MYO1D: variants seen among roughly 807,000 people sequenced by gnomAD.
The protein encoded by MYO1D is myosin ID.
In MYO1D, 83 loss-of-function variants were observed where a neutral mutation model predicts 122.0. The observed-to-expected ratio is 0.68, with a 90% CI of 0.57 to 0.82. The LOEUF (loss-of-function observed/expected upper bound fraction) is 0.82, where lower values mean the gene tolerates loss of function less well. Among genes scored for constraint, MYO1D ranks in the 40% least tolerant of loss-of-function variants. MYO1D has a pLI of 0.00. For synonymous variants in MYO1D, 464 were observed against 446.9 expected (o/e 1.04, Z -0.48); for missense variants, 1,157 against 1,269.5 (o/e 0.91, Z 1.35).
intron 16 of MYO1D, among the ~76,000 whole-genome samples, chr17:32,665,696 C>T (rs2088626864): frequency 6.6e-6 from 1 of 152,190 alleles, no homozygotes; most frequent in African/African-American, 2.4e-5. Flanking sequence ...TAGTCTTGGC[C>T]TTGCCCAAGG....
intron 1 of MYO1D, among the ~76,000 whole-genome samples, chr17:32,857,130 G>A (rs1225333298): frequency 6.6e-6 from 1 of 152,118 alleles, no homozygotes; most frequent in Non-Finnish European, 1.5e-5. Context: ...TATCTTGTAG[G>A]GTTGAATAGA....
chr17:32,559,159 AACTTT>A (rs2087095298), intron 21 of MYO1D, among the ~76,000 whole-genome samples: 1 of 152,162 alleles, frequency 6.6e-6, no homozygotes, highest in African/African-American at 2.4e-5. Flanking sequence ...GAATTTCCTG[AACTTT>A]ACTTGTTGGG....
At chr17:32,622,016 G>A (rs1014292318) in intron 20 of MYO1D, among the ~76,000 whole-genome samples, 2 of 152,096 alleles carry the variant, frequency 1.3e-5, no homozygotes, top group African/African-American at 4.8e-5. Flanking sequence ...TAAGCCACTC[G>A]GTCTGTGGTT....
intron 20 of MYO1D, among the ~76,000 whole-genome samples, chr17:32,607,102 G>T (rs534020180): frequency 6.6e-6 from 1 of 152,212 alleles, no homozygotes; most frequent in Non-Finnish European, 1.5e-5. Context: ...GGAGGTTGCA[G>T]TGAGTTGAGA....
intron 20 of MYO1D, among the ~76,000 whole-genome samples, chr17:32,613,638 G>A (rs961535139): frequency 6.6e-6 from 1 of 151,818 alleles, no homozygotes; most frequent in African/African-American, 2.4e-5. Flanking sequence ...GCTGTGCGTG[G>A]TGGTGCGTGC....
intron 1 of MYO1D, among the ~76,000 whole-genome samples, chr17:32,817,139 G>C (rs781373532): frequency 6.6e-6 from 1 of 152,162 alleles, no homozygotes; most frequent in Non-Finnish European, 1.5e-5. Flanking sequence ...ATGTTGCCCA[G>C]GTTGGTCTTG....
chr17:32,700,792 A>T (rs1296914379), intron 16 of MYO1D, among the ~76,000 whole-genome samples: 1 of 151,998 alleles, frequency 6.6e-6, no homozygotes, highest in Non-Finnish European at 1.5e-5. Flanking sequence ...AAAAATACAA[A>T]AATTAGCCAG....
At chr17:32,827,596 T>G (rs574729195) in intron 1 of MYO1D, among the ~76,000 whole-genome samples, 1 of 152,224 alleles carries the variant, frequency 6.6e-6, no homozygotes, top group Admixed American at 6.5e-5. Context: ...ATAAAAAAAT[T>G]AATAAGCATT....
chr17:32,692,225 G>T (rs321164), intron 16 of MYO1D, among the ~76,000 whole-genome samples: 61,054 of 152,058 alleles, frequency 0.4, 12,645 homozygotes, highest in East Asian at 0.54. Context: ...AGTCCAAGCA[G>T]AATGTGTTTA....
intron 21 of MYO1D, among the ~76,000 whole-genome samples, chr17:32,508,558 G>A (rs1213713062): frequency 6.6e-6 from 1 of 152,210 alleles, no homozygotes; most frequent in Middle Eastern, 3.2e-3. Context: ...TTACAGGTGT[G>A]AGCCACCTCC....
chr17:32,495,152 A>C (rs1369421785), intron 21 of MYO1D, among the ~76,000 whole-genome samples: 1 of 152,120 alleles, frequency 6.6e-6, no homozygotes, highest in African/African-American at 2.4e-5. Flanking sequence ...AGCGCATGGG[A>C]CTGGACAGTG....
intron 20 of MYO1D, among the ~76,000 whole-genome samples, chr17:32,625,149 A>G (rs16967472): frequency 0.014 from 2,176 of 152,320 alleles, 57 homozygotes; most frequent in African/African-American, 0.05. Context: ...ACCAGGGCCA[A>G]TACAAACACT....
rs181559820 is a variant in MYO1D at position 32,846,005 on chromosome 17, T to A, written c.95+30773A>T. 7.3e-5 allele frequency among the ~76,000 whole-genome samples: 11 copies of A among 151,712 alleles called. No homozygotes were observed. In the East Asian group the frequency reaches 2.1e-3, roughly 29 times the overall value. ...AGGGTAGCCAGAGAGTGGTGAGTAG[T>A]GGGAGAAGGTACAACGAAAGCCTGA... On this transcript the variant is annotated intron_variant, in intron 1 of 21. Coordinates refer to ENST00000318217, the MANE Select transcript of MYO1D (RefSeq NM_015194.3).
chr17:32,633,328 A>G (rs1597954876), intron 20 of MYO1D, among the ~76,000 whole-genome samples: 2 of 152,118 alleles, frequency 1.3e-5, no homozygotes, highest in South Asian at 2.1e-4. Context: ...GAAATGAGAA[A>G]AAGTACATAT....
rs376410506 is a variant in MYO1D, at chr17:32,538,897, A to G, written c.2865-43982T>C. On this transcript the variant is annotated intron_variant, in intron 21 of 21. Transcript: ENST00000318217. Reference sequence around the variant, plus strand: ...TGCTCATAAGTGAGAGCTGCTGAACAATGAGAACACATGGACACAGGGAGG... The same window carrying G: ...TGCTCATAAGTGAGAGCTGCTGAACGATGAGAACACATGGACACAGGGAGG... Among the ~76,000 whole-genome samples, 63 of 152,274 alleles carry G rather than the reference A, an allele frequency of 4.1e-4. No individual in the cohort carries two copies. In the East Asian group the frequency reaches 7.3e-3, roughly 18 times the overall value.
intron 20 of MYO1D, among the ~76,000 whole-genome samples, chr17:32,611,115 G>A (rs1207175711): frequency 6.6e-6 from 1 of 152,132 alleles, no homozygotes; most frequent in East Asian, 1.9e-4. Context: ...AGCAGTTCTG[G>A]AAGAGGAGGC....
chr17:32,514,576 C>G (rs1909821228), intron 21 of MYO1D, among the ~76,000 whole-genome samples: 1 of 152,200 alleles, frequency 6.6e-6, no homozygotes, highest in African/African-American at 2.4e-5. Context: ...AATAGCAGGT[C>G]ACACTCTCCA....
chr17:32,563,421 T>C (rs540744505), intron 21 of MYO1D, among the ~76,000 whole-genome samples: 1 of 152,152 alleles, frequency 6.6e-6, no homozygotes, highest in East Asian at 1.9e-4. Flanking sequence ...CAAACCATGT[T>C]GGCCAGGCTA....
Position 32,492,742 on chromosome 17 carries a change from T to C in MYO1D, c.*2017A>G, listed in dbSNP as rs986645266. ...TCATTACATCAAGAGAACCCCCTCATTGTCTACAATCATGCCCGCTTCCTT... is the reference window on the plus strand; with the variant it reads ...TCATTACATCAAGAGAACCCCCTCACTGTCTACAATCATGCCCGCTTCCTT... On this transcript the variant is annotated 3_prime_UTR_variant, in exon 22 of 22. Coordinates refer to ENST00000318217, the MANE Select transcript of MYO1D (RefSeq NM_015194.3). The C allele has an allele frequency of 1.3e-5, 2 of 152,610 alleles. No homozygotes were observed. Among genetic ancestry groups the C allele is most frequent in the African/African-American group, 4.8e-5 (2 of 41,450 alleles). 9.5% of individuals were successfully genotyped at this position (152,610 alleles called of 1,614,324 possible). A position where few individuals can be genotyped will look rare whatever the true frequency, so the allele number is the denominator to read the frequency against.
Sources: gnomAD v4.1 joint callset for allele counts (sites outside exome capture counted in the v4.1 genomes callset) on GRCh38, gnomAD v4.1.1 for gene constraint, MANE v1.5 for transcripts, NCBI Gene and HGNC (gene_info 2026-07-23, HGNC 2026-07-21) for gene names.